COL20A1: variants seen among roughly 807,000 people sequenced by gnomAD.
The protein encoded by COL20A1 is collagen type XX alpha 1 chain, also known as collagen alpha-1(XX) chain.
A neutral mutation model predicts 152.9 loss-of-function variants in COL20A1; 164 were observed. That is an observed-to-expected ratio of 1.07 (90% confidence interval 0.94 to 1.22). COL20A1 has a LOEUF of 1.22. Ranked by LOEUF, COL20A1 falls within the 50% of genes most tolerant of loss-of-function variation. The pLI is 0.00. For missense variants in COL20A1, 1,873 were observed against 1,744.8 expected (o/e 1.07, Z -1.31); for synonymous variants, 864 against 756.0 (o/e 1.14, Z -2.34).
intron 24 of COL20A1, 38 bp from the exon 25 acceptor site, chr20:63,320,253 C>T (rs754386843): frequency 1.2e-6 from 2 of 1,605,950 alleles, no homozygotes; most frequent in East Asian, 2.2e-5. Flanking sequence ...GGCAGCCTCT[C>T]TGAGCCCCGG....
Position 63,319,319 on chromosome 20 carries a change from G to C in COL20A1, c.2806+119G>C. The stretch of plus-strand genomic sequence containing the variant: ...CCAGGCCAGGCCCTCAGCACCCTCT[G>C]GGTGGGAGGCAGGTGTCCCGGGCAG... On this transcript the variant is annotated intron_variant, in intron 22 of 35. Transcript: ENST00000358894. The surrounding 1 kb of genome is among the most constrained non-coding windows in gnomAD (Gnocchi z 4.4). 8.2e-7 allele frequency: 1 copy of C among 1,220,464 alleles called. No homozygotes were observed. The highest frequency in any genetic ancestry group is 1.1e-6 in the Non-Finnish European group (1 of 881,390). 75.6% of individuals were successfully genotyped at this position (1,220,464 alleles called of 1,614,324 possible).
At position 63,333,072 on chromosome 20, in the gene COL20A1, G is replaced by A. The variant is rs2068353128; in HGVS notation, c.*2356G>A. Reference sequence around the variant, plus strand: ...GCCGGGGCTCACGCTCCTGGCCAGAGCGCTGGGTTTCTGGCAATGCCTCCC... The same window carrying A: ...GCCGGGGCTCACGCTCCTGGCCAGAACGCTGGGTTTCTGGCAATGCCTCCC... On this transcript the variant is annotated 3_prime_UTR_variant, in exon 36 of 36. Coordinates refer to ENST00000358894, the MANE Select transcript of COL20A1 (RefSeq NM_020882.4). 1 of 152,286 alleles carries A rather than the reference G, an allele frequency of 6.6e-6. No individual in the cohort carries two copies. Among genetic ancestry groups the A allele is most frequent in the Admixed American group, 6.5e-5 (1 of 15,286 alleles). 9.4% of individuals were successfully genotyped at this position (152,286 alleles called of 1,614,324 possible). A position where few individuals can be genotyped will look rare whatever the true frequency, so the allele number is the denominator to read the frequency against.
Position 63,303,393 on chromosome 20 carries a change from A to G in COL20A1, c.194-2024A>G, listed in dbSNP as rs2067882546. On this transcript the variant is annotated intron_variant, in intron 3 of 35. Coordinates refer to ENST00000358894, the MANE Select transcript of COL20A1 (RefSeq NM_020882.4). ...ATATTAAATGTCATAAAACTTTTTC[A>G]TTATTGTCATTGCTTGTTAATCACG... Among the ~76,000 whole-genome samples, 3 of 152,152 alleles carry G rather than the reference A, an allele frequency of 2.0e-5. No individual in the cohort carries two copies. In the South Asian group the frequency reaches 6.2e-4, roughly 32 times the overall value.
In COL20A1 at chr20:63,328,630, T is replaced by C. The variant is rs566192172; in HGVS notation, c.3781+132T>C. The C allele has an allele frequency of 5.6e-5, 49 of 868,776 alleles. No individual in the cohort carries two copies. The East Asian group carries it at 1.2e-3, about 21-fold the overall frequency. The allele number at this position is 868,776 out of a possible 1,614,324, so 53.8% of individuals were successfully genotyped here. A position where few individuals can be genotyped will look rare whatever the true frequency, so the allele number is the denominator to read the frequency against. On this transcript the variant is annotated intron_variant, in intron 34 of 35. Transcript: ENST00000358894. ...GCTGGAGATGCCACTGTCCAGCCTCTGGGGTGCTGGGGTGAGGACACGGGG... is the reference window on the plus strand; with the variant it reads ...GCTGGAGATGCCACTGTCCAGCCTCCGGGGTGCTGGGGTGAGGACACGGGG...
chr20:63,326,143 C>G lies in COL20A1; in HGVS notation c.3450C>G (p.Gly1150=). 3 of 1,611,866 alleles carry G rather than the reference C, an allele frequency of 1.9e-6. No homozygotes were observed. Among genetic ancestry groups the G allele is most frequent in the Non-Finnish European group, 1.7e-6 (2 of 1,178,970 alleles). The change falls in exon 30 of 36, where the codon GGC becomes GGG. Residue 1150 remains glycine (G), a synonymous_variant. Transcript: ENST00000358894. ...EGTAGLPGPP[G]PRGFQGMAGA... ...CTGCTGGCCTGCCTGGACCCCCTGG[C>G]CCCAGGGTAGGCACCGACCTCCCAT...
At chr20:63,299,515 A>G (rs555322055) in intron 3 of COL20A1, among the ~76,000 whole-genome samples, 1 of 152,252 alleles carries the variant, frequency 6.6e-6, no homozygotes, top group African/African-American at 2.4e-5. Flanking sequence ...ATTTGTATTT[A>G]TCACATGAAT....
chr20:63,325,689 A>T lies in COL20A1; in HGVS notation c.3370A>T (p.Ile1124Phe). ...GLQGHPGHQG[I>F]PGRVGLQGPK... is the part of the protein sequence containing the mutation. ...CCAGGGCCACCCCGGCCACCAGGGC[A>T]TCCCCGGGAGAGTTGGCCTCCAGGG... is the stretch of plus-strand genomic sequence containing the variant. Residue 1124 changes from isoleucine to phenylalanine, a missense_variant, in exon 29 of 36, where the codon ATC (isoleucine) becomes TTC (phenylalanine). By Grantham distance (21) the Ile-to-Phe change is conservative. Coordinates refer to ENST00000358894, the MANE Select transcript of COL20A1 (RefSeq NM_020882.4). 1 of 1,611,568 alleles carries T rather than the reference A, an allele frequency of 6.2e-7. No homozygotes were observed. The highest frequency in any genetic ancestry group is 8.5e-7 in the Non-Finnish European group (1 of 1,179,546).
rs201584342 is a variant in COL20A1, at chr20:63,312,490, G to A, written c.1874G>A (p.Arg625His). Residue 625 changes from arginine to histidine, a missense_variant, in exon 15 of 36, where the codon CGT becomes CAT. Coordinates refer to ENST00000358894, the MANE Select transcript of COL20A1 (RefSeq NM_020882.4). ...TCTTCCTCCACCACCTACACTGTCC[G>A]TGTCACCTGCCTCTACCCTGGGGGT... ...PLSSSTTYTV[R>H]VTCLYPGGGS... The A allele has an allele frequency of 1.6e-5, 26 of 1,608,796 alleles. 1 individual carries two copies. The highest frequency in any genetic ancestry group is 1.9e-4 in the Middle Eastern group (1 of 5,222).
Position 63,328,447 on chromosome 20 carries a change from G to A in COL20A1, c.3730G>A (p.Ala1244Thr), listed in dbSNP as rs1167614500. The A allele has an allele frequency of 6.2e-7, 1 of 1,612,506 alleles. No homozygotes were observed. Among genetic ancestry groups the A allele is most frequent in the African/African-American group, 1.3e-5 (1 of 74,940 alleles). The change falls in exon 34 of 36, where the codon GCC becomes ACC. Residue 1244 changes from alanine (A) to threonine (T), a missense_variant. Physicochemically the swap from Ala to Thr is moderately conservative, Grantham distance 58 (BLOSUM62 0). Coordinates refer to ENST00000358894, the MANE Select transcript of COL20A1 (RefSeq NM_020882.4). ...PLGSPGTRSK[A>T]LVPGEWGRGG... ...GGGGTCCCCTGGCACCCGCAGCAAG[G>A]CCCTGGTTCCTGGAGAATGGGGGCG...
In COL20A1 at chr20:63,308,720, G is replaced by T; in HGVS notation, c.940+14G>T. 1.3e-6 allele frequency: 2 copies of T among 1,572,456 alleles called. No individual in the cohort carries two copies. Among genetic ancestry groups the T allele is most frequent in the South Asian group, 2.3e-5 (2 of 86,610 alleles). On this transcript the variant is annotated intron_variant, in intron 8 of 35. Coordinates refer to ENST00000358894, the MANE Select transcript of COL20A1 (RefSeq NM_020882.4). ...TCTTCGCTGTGGGTGAGCACCATGC[G>T]GCTCCCCCGGCCCTGGAGTCTCACC... is the stretch of plus-strand genomic sequence containing the variant.
rs538465838 is a variant in COL20A1, at chr20:63,311,929, C to A, written c.1677C>A (p.Pro559=). Reference sequence around the variant, plus strand: ...TGTGCTTTGCAGCCACCCTGGCCCCCCCGAGACACCTGGGCTTCTCAGACG... The same window carrying A: ...TGTGCTTTGCAGCCACCCTGGCCCCACCGAGACACCTGGGCTTCTCAGACG... The part of the protein sequence containing the change: ...GIRARTPTLA[P]PRHLGFSDVS... The change falls in exon 14 of 36, where the codon CCC becomes CCA. Residue 559 remains proline (P), a synonymous_variant. Transcript: ENST00000358894. The surrounding 1 kb of genome is among the most constrained non-coding windows in gnomAD (Gnocchi z 4.4). The A allele has an allele frequency of 3.2e-6, 5 of 1,563,076 alleles. No homozygotes were observed. The highest frequency in any genetic ancestry group is 1.4e-5 in the African/African-American group (1 of 73,588).
chr20:63,308,516 G>T (rs781039199), intron 7 of COL20A1, 26 bp from the exon 8 acceptor site: 2 of 1,539,522 alleles, frequency 1.3e-6, no homozygotes, highest in Non-Finnish European at 8.8e-7. Flanking sequence ...GCAGCTGCCT[G>T]TCACTTTATT....
Position 63,324,661 on chromosome 20 carries a change from G to A in COL20A1, c.3295-780G>A, listed in dbSNP as rs150811634. 448 of 152,604 alleles carry A rather than the reference G, an allele frequency of 2.9e-3. 2 individuals carry two copies. The highest frequency in any genetic ancestry group is 6.8e-3 in the Middle Eastern group (2 of 294). 9.5% of individuals were successfully genotyped at this position (152,604 alleles called of 1,614,324 possible). Reference sequence around the variant, plus strand: ...AATCTGACGTGGTCGCTGAATTCTCGTTATCCATGCCATGTGCTGCAGAGC... The same window carrying A: ...AATCTGACGTGGTCGCTGAATTCTCATTATCCATGCCATGTGCTGCAGAGC... On this transcript the variant is annotated intron_variant, in intron 27 of 35. Transcript: ENST00000358894.
Position 63,309,841 on chromosome 20 carries a change from T to C in COL20A1, c.1189T>C (p.Trp397Arg). Residue 397 changes from tryptophan to arginine, a missense_variant, in exon 10 of 36, where the codon TGG (tryptophan) becomes CGG (arginine). By Grantham distance (101) the Trp-to-Arg change is moderately radical. Transcript: ENST00000358894. ...QVTSSSIRLS[W>R]TPAPRHPLKY... ...GACCTCCTCCAGCATCCGCCTGTCCTGGACTCCAGCCCCCCGGCACCCCCT... is the reference window on the plus strand; with the variant it reads ...GACCTCCTCCAGCATCCGCCTGTCCCGGACTCCAGCCCCCCGGCACCCCCT... The C allele has an allele frequency of 6.2e-7, 1 of 1,611,274 alleles. No individual in the cohort carries two copies. Among genetic ancestry groups the C allele is most frequent in the Non-Finnish European group, 8.5e-7 (1 of 1,179,230 alleles).
In COL20A1 at chr20:63,293,202, C is replaced by T. The variant is rs1303590353; in HGVS notation, c.-84C>T. 6.6e-6 allele frequency: 1 copy of T among 152,288 alleles called. No homozygotes were observed. The highest frequency in any genetic ancestry group is 1.5e-5 in the Non-Finnish European group (1 of 68,144). 9.4% of individuals were successfully genotyped at this position (152,288 alleles called of 1,614,324 possible). A position where few individuals can be genotyped will look rare whatever the true frequency, so the allele number is the denominator to read the frequency against. Reference sequence around the variant, plus strand: ...AAGCCTTTCATAAGCTCCAGCCTTCCTGTGGCCACAGCAGGACCAGAGTGG... The same window carrying T: ...AAGCCTTTCATAAGCTCCAGCCTTCTTGTGGCCACAGCAGGACCAGAGTGG... On this transcript the variant is annotated 5_prime_UTR_variant, in exon 1 of 36. Coordinates refer to ENST00000358894, the MANE Select transcript of COL20A1 (RefSeq NM_020882.4).
chr20:63,323,267 G>A (rs921795202), intron 27 of COL20A1, among the ~76,000 whole-genome samples: 1 of 152,238 alleles, frequency 6.6e-6, no homozygotes, highest in African/African-American at 2.4e-5. Context: ...CCCTGTGTCT[G>A]TGATGTGAGT....
Position 63,310,459 on chromosome 20 carries a change from C to G in COL20A1, c.1342C>G (p.Pro448Ala). The part of the protein sequence containing the change: ...SRTEYLVSVF[P>A]IYEGGVGEGL... ...CACAGAGTACCTGGTCTCCGTGTTCCCCATCTATGAGGGCGGGGTTGGCGA... is the reference window on the plus strand; with the variant it reads ...CACAGAGTACCTGGTCTCCGTGTTCGCCATCTATGAGGGCGGGGTTGGCGA... Residue 448 changes from proline (P) to alanine (A), a missense_variant, in exon 11 of 36, where the codon CCC (proline) becomes GCC (alanine). Coordinates refer to ENST00000358894, the MANE Select transcript of COL20A1 (RefSeq NM_020882.4). The G allele has an allele frequency of 6.2e-7, 1 of 1,609,214 alleles. No individual in the cohort carries two copies. The highest frequency in any genetic ancestry group is 1.3e-5 in the African/African-American group (1 of 74,950).
chr20:63,314,942 A>C (rs976356128), intron 19 of COL20A1, among the ~76,000 whole-genome samples: 2 of 130,594 alleles, frequency 1.5e-5, no homozygotes, highest in African/African-American at 3.0e-5. Flanking sequence ...GCCTCTCCTC[A>C]CACCAGGCAT....
chr20:63,325,845 A>C, intron 29 of COL20A1, 124 bp downstream of exon 29: 1 of 875,458 alleles, frequency 1.1e-6, no homozygotes, highest in Non-Finnish European at 1.8e-6. Flanking sequence ...CTCCTGCCTC[A>C]CCTGCTGCAC....
Sources: gnomAD v4.1 joint callset for allele counts (sites outside exome capture counted in the v4.1 genomes callset) on GRCh38, gnomAD v4.1.1 for gene constraint, Gnocchi (gnomAD v3.1) non-coding constraint, MANE v1.5 for transcripts, NCBI Gene and HGNC (gene_info 2026-07-23, HGNC 2026-07-21) for gene names.